The following SLX4IP variants were observed in gnomAD, a reference collection of about 807,000 sequenced individuals.
The protein encoded by SLX4IP is protein SLX4IP.
SLX4IP carries 34 observed loss-of-function variants against 32.9 expected under a neutral mutation model. The observed-to-expected ratio is 1.03, with a 90% confidence interval of 0.79 to 1.38. The LOEUF (loss-of-function observed/expected upper bound fraction) is 1.38, where lower values mean the gene tolerates loss of function less well. Among genes scored for constraint, SLX4IP ranks in the 40% most tolerant of loss-of-function variants. SLX4IP has a pLI of 0.00. For missense variants in SLX4IP, 444 were observed against 479.0 expected (o/e 0.93, Z 0.68); for synonymous variants, 172 against 171.7 (o/e 1.00, Z -0.01).
At chr20:10,478,449 G>T (rs2065492812) in intron 2 of SLX4IP, among the ~76,000 whole-genome samples, 1 of 152,104 alleles carries the variant, frequency 6.6e-6, no homozygotes, top group African/African-American at 2.4e-5. Flanking sequence ...TTCAAGCCTG[G>T]GGTCTCTGAC....
chr20:10,548,535 G>T lies in SLX4IP; in HGVS notation c.28-7696G>T, dbSNP rs938518521. 2.0e-5 allele frequency among the ~76,000 whole-genome samples: 3 copies of T among 151,966 alleles called. No individual in the cohort carries two copies. The East Asian group carries it at 5.8e-4, about 29-fold the overall frequency. On this transcript the variant is annotated intron_variant, in intron 2 of 7. Transcript: ENST00000334534. ...ATTACAGGTGTGAGCCACCACACCC[G>T]GCCTCTCCAGGCCTTCTTTGTGTGT...
At chr20:10,553,366 TTAAGA>T (rs1220631190) in intron 2 of SLX4IP, among the ~76,000 whole-genome samples, 18 of 152,364 alleles carry the variant, frequency 1.2e-4, no homozygotes, top group Non-Finnish European at 4.4e-5. Context: ...TTTTCTTTCG[TTAAGA>T]TAACTGTACT....
Position 10,526,152 on chromosome 20 carries a change from A to G in SLX4IP, c.28-30079A>G, listed in dbSNP as rs1032394445. Among the ~76,000 whole-genome samples, 7 of 152,202 alleles carry G rather than the reference A, an allele frequency of 4.6e-5. No individual in the cohort carries two copies. The East Asian group carries it at 1.4e-3, about 29-fold the overall frequency. The stretch of plus-strand genomic sequence containing the variant: ...CACTTTCACGCCTCTGCATTTGTTC[A>G]CACTCTTCCCATAGACTTCAGGGTT... On this transcript the variant is annotated intron_variant, in intron 2 of 7. Transcript: ENST00000334534.
chr20:10,529,355 G>A (rs181071320), intron 2 of SLX4IP, among the ~76,000 whole-genome samples: 38 of 152,056 alleles, frequency 2.5e-4, no homozygotes, highest in Admixed American at 2.1e-3. Flanking sequence ...TTGGGAGGCC[G>A]AGGCGGGTGG....
intron 4 of SLX4IP, among the ~76,000 whole-genome samples, chr20:10,594,166 G>A (rs887828608): frequency 6.6e-6 from 1 of 152,180 alleles, no homozygotes; most frequent in Non-Finnish European, 1.5e-5. Flanking sequence ...GTTTTGGGAT[G>A]TTCATGACAT....
chr20:10,606,879 G>A (rs2066912278), intron 6 of SLX4IP, among the ~76,000 whole-genome samples: 1 of 151,982 alleles, frequency 6.6e-6, no homozygotes, highest in Non-Finnish European at 1.5e-5. Context: ...TCTGCTACAT[G>A]AAGACTTCTT....
At chr20:10,533,351 G>T (rs2066005761) in intron 2 of SLX4IP, among the ~76,000 whole-genome samples, 1 of 152,110 alleles carries the variant, frequency 6.6e-6, no homozygotes, top group African/African-American at 2.4e-5. Context: ...CGCCCAGGCT[G>T]CAGTGCAGTG....
Position 10,515,079 on chromosome 20 carries a change from C to CTTTT in SLX4IP, c.28-41133_28-41130dup, listed in dbSNP as rs35576843. ...ATTCACATTTATTTGTAAGTTGAAG[C>CTTTT]TTTTTTTTTTTTTTTTTTTTTTGAG... On this transcript the variant is annotated intron_variant, in intron 2 of 7. Transcript: ENST00000334534. 2.3e-3 allele frequency among the ~76,000 whole-genome samples: 193 copies of CTTTT among 82,908 alleles called. 2 individuals are homozygous for CTTTT. The highest frequency in any genetic ancestry group is 2.6e-3 in the South Asian group (5 of 1,896). 54.4% of individuals were successfully genotyped at this position (82,908 alleles called of 152,430 possible). A position where few individuals can be genotyped will look rare whatever the true frequency, so the allele number is the denominator to read the frequency against.
intron 6 of SLX4IP, among the ~76,000 whole-genome samples, chr20:10,611,230 G>A (rs528000668): frequency 1.3e-5 from 2 of 152,168 alleles, no homozygotes; most frequent in Non-Finnish European, 2.9e-5. Context: ...TATTTGCAGA[G>A]GGCTGTCGCA....
At chr20:10,613,542 T>G (rs2066992343) in intron 6 of SLX4IP, 2 of 1,611,680 alleles carry the variant, frequency 1.2e-6, no homozygotes, top group Non-Finnish European at 1.7e-6. Flanking sequence ...CTTTTGCCAA[T>G]CCTTTTGTCT....
At chr20:10,554,512 A>C (rs1224946749) in intron 2 of SLX4IP, among the ~76,000 whole-genome samples, 3 of 152,216 alleles carry the variant, frequency 2.0e-5, no homozygotes, top group Non-Finnish European at 2.9e-5. Flanking sequence ...GAAACTGACA[A>C]ACCCATTTGC....
intron 4 of SLX4IP, among the ~76,000 whole-genome samples, chr20:10,593,896 C>T (rs575818035): frequency 6.6e-6 from 1 of 152,254 alleles, no homozygotes; most frequent in South Asian, 2.1e-4. Flanking sequence ...TTGGTTGGAT[C>T]CGATTCAAAG....
At position 10,535,253 on chromosome 20, in the gene SLX4IP, T is replaced by C. The variant is rs904062789; in HGVS notation, c.28-20978T>C. ...GAAGGGAAGTGTTGAGGTCTCAGAATTGGATAAGTCCTAGTGCCACTGGCT... is the reference window on the plus strand; with the variant it reads ...GAAGGGAAGTGTTGAGGTCTCAGAACTGGATAAGTCCTAGTGCCACTGGCT... On this transcript the variant is annotated intron_variant, in intron 2 of 7. Transcript: ENST00000334534. Among the ~76,000 whole-genome samples the C allele has an allele frequency of 3.3e-5, 5 of 152,138 alleles. No individual in the cohort carries two copies. In the South Asian group the frequency reaches 6.2e-4, roughly 19 times the overall value.
intron 2 of SLX4IP, among the ~76,000 whole-genome samples, chr20:10,532,225 C>T (rs1350775547): frequency 6.6e-6 from 1 of 152,076 alleles, no homozygotes; most frequent in Non-Finnish European, 1.5e-5. Flanking sequence ...TTCAAAAGAA[C>T]TAATCAAAAG....
At chr20:10,479,362 T>TTTTA in intron 2 of SLX4IP, among the ~76,000 whole-genome samples, 1 of 149,662 alleles carries the variant, frequency 6.7e-6, no homozygotes, top group Non-Finnish European at 1.5e-5. Context: ...CTTTTTTTTT[T>TTTTA]TTTTTTTTGA....
rs976562543 is a variant in SLX4IP, at chr20:10,598,847, T to A, written c.316+95T>A. 3.3e-6 allele frequency: 4 copies of A among 1,200,220 alleles called. No homozygotes were observed. The African/African-American group carries it at 4.5e-5, about 13-fold the overall frequency. The allele number at this position is 1,200,220 out of a possible 1,614,324, so 74.3% of individuals were successfully genotyped here. A position where few individuals can be genotyped will look rare whatever the true frequency, so the allele number is the denominator to read the frequency against. The stretch of plus-strand genomic sequence containing the variant: ...AAAATTAAGGAGTGGAGAGTCCCAC[T>A]TGCTTCATTGCCTTCATGTCTTGAG... On this transcript the variant is annotated intron_variant, in intron 5 of 7. Coordinates refer to ENST00000334534, the MANE Select transcript of SLX4IP (RefSeq NM_001009608.3).
chr20:10,474,601 TC>T (rs1250397770), intron 2 of SLX4IP, among the ~76,000 whole-genome samples: 4 of 152,170 alleles, frequency 2.6e-5, no homozygotes, highest in African/African-American at 9.7e-5. Flanking sequence ...CAAATAAGGA[TC>T]ATGGTTAACC....
At chr20:10,473,854 G>C (rs1345751146) in intron 2 of SLX4IP, among the ~76,000 whole-genome samples, 1 of 150,666 alleles carries the variant, frequency 6.6e-6, no homozygotes, top group African/African-American at 2.4e-5. Context: ...AAGGAGTCTT[G>C]CTCTGTCGCC....
chr20:10,503,947 C>T (rs2122417754), intron 2 of SLX4IP, among the ~76,000 whole-genome samples: 1 of 152,306 alleles, frequency 6.6e-6, no homozygotes, highest in Middle Eastern at 3.4e-3. Flanking sequence ...AACCTGATTA[C>T]AACTGCAAAG....
Sources: allele counts gnomAD v4.1 joint callset (sites outside exome capture counted in the v4.1 genomes callset), GRCh38; gene constraint gnomAD v4.1.1; transcripts MANE v1.5; gene names NCBI Gene and HGNC (gene_info 2026-07-23, HGNC 2026-07-21).